Variants in DMXL1 observed in about 807,000 individuals in gnomAD.
The protein encoded by DMXL1 is Dmx like 1.
In DMXL1, 99 loss-of-function variants were observed where a neutral mutation model predicts 319.2. The observed-to-expected ratio is 0.31, with a 90% CI of 0.26 to 0.37. The LOEUF (loss-of-function observed/expected upper bound fraction) is 0.37, where lower values mean the gene tolerates loss of function less well. Among genes scored for constraint, DMXL1 ranks in the 10% least tolerant of loss-of-function variants. The pLI is 1.00. For synonymous variants in DMXL1, 1,385 were observed against 1,235.2 expected (o/e 1.12, Z -2.54); for missense variants, 3,745 against 3,595.6 (o/e 1.04, Z -1.06).
At chr5:119,131,675 G>A (rs1764928593) in intron 10 of DMXL1, among the ~76,000 whole-genome samples, 1 of 152,174 alleles carries the variant, frequency 6.6e-6, no homozygotes, top group African/African-American at 2.4e-5. Flanking sequence ...TAGAACATCT[G>A]CATTGAGAAG....
At chr5:119,104,832 A>G (rs1041971299) in intron 3 of DMXL1, among the ~76,000 whole-genome samples, 1 of 152,234 alleles carries the variant, frequency 6.6e-6, no homozygotes, top group Non-Finnish European at 1.5e-5. Context: ...CAAAACAGTA[A>G]AAGAGAAGGA....
At chr5:119,079,148 C>T (rs767437658) in intron 1 of DMXL1, among the ~76,000 whole-genome samples, 1 of 152,198 alleles carries the variant, frequency 6.6e-6, no homozygotes, top group Non-Finnish European at 1.5e-5. Context: ...GCTCATTTTT[C>T]CTTTCTTGTA....
intron 2 of DMXL1, among the ~76,000 whole-genome samples, chr5:119,099,338 A>G (rs1756720837): frequency 6.6e-6 from 1 of 151,868 alleles, no homozygotes; most frequent in Admixed American, 6.6e-5. Context: ...AGCCTCCCAA[A>G]TAGCTGGAAT....
chr5:119,072,103 A>G (rs1012245065), intron 1 of DMXL1, among the ~76,000 whole-genome samples: 16 of 152,166 alleles, frequency 1.1e-4, no homozygotes, highest in African/African-American at 2.2e-4. Context: ...ACAATTACCA[A>G]TTGTTTGCCA....
chr5:119,172,648 T>C (rs1282291637), intron 25 of DMXL1, among the ~76,000 whole-genome samples: 1 of 152,250 alleles, frequency 6.6e-6, no homozygotes, highest in Non-Finnish European at 1.5e-5. Context: ...CTGCTGTTAA[T>C]GTCATATTTT....
chr5:119,137,621 C>A (rs976763174), intron 13 of DMXL1, among the ~76,000 whole-genome samples: 20 of 152,150 alleles, frequency 1.3e-4, no homozygotes, highest in Non-Finnish European at 2.8e-4. Flanking sequence ...ATGCTGTTTG[C>A]ATTATAGTGA....
intron 40 of DMXL1, chr5:119,238,788 A>AAAAAGTTG (rs1788222632): frequency 1.5e-6 from 1 of 660,392 alleles, no homozygotes; most frequent in Non-Finnish European, 1.9e-6. Flanking sequence ...CCAAAATGTT[A>AAAAAGTTG]AAAAGTTGCT....
chr5:119,195,230 C>T (rs113185704), intron 30 of DMXL1, among the ~76,000 whole-genome samples: 7 of 152,318 alleles, frequency 4.6e-5, no homozygotes, highest in African/African-American at 1.7e-4. Context: ...TATGATCCAG[C>T]ATTTCCACTA....
At chr5:119,151,806 G>C (rs944337065) in intron 18 of DMXL1, 123 bp from the exon 19 acceptor site, 19 of 497,072 alleles carry the variant, frequency 3.8e-5, no homozygotes, top group African/African-American at 3.6e-4. Flanking sequence ...ATAAATGTTA[G>C]AAAATATTTT....
intron 1 of DMXL1, among the ~76,000 whole-genome samples, chr5:119,080,229 C>G (rs1251370166): frequency 6.6e-6 from 1 of 152,098 alleles, no homozygotes; most frequent in Non-Finnish European, 1.5e-5. Flanking sequence ...TGCCTATGAT[C>G]TCAGCTACTC....
At chr5:119,181,504 G>C (rs374324532) in intron 28 of DMXL1, among the ~76,000 whole-genome samples, 2 of 152,334 alleles carry the variant, frequency 1.3e-5, no homozygotes, top group Admixed American at 1.3e-4. Flanking sequence ...AGGCCTGCTG[G>C]TTTCAAAGCC....
rs146992677 is a variant in DMXL1 at position 119,140,525 on chromosome 5, C to G, written c.2377-3316C>G. Among the ~76,000 whole-genome samples the G allele has an allele frequency of 5.4e-3, 823 of 152,208 alleles. 10 individuals carry two copies. The highest frequency in any genetic ancestry group is 0.019 in the African/African-American group (780 of 41,530). On this transcript the variant is annotated intron_variant, in intron 13 of 43. Coordinates refer to ENST00000539542, the MANE Select transcript of DMXL1 (RefSeq NM_001290321.3). ...AAAACCTACAAGGGATGGATAAATT[C>G]CTGGACATATACCCCCTCCTAAGAC...
At chr5:119,114,598 T>C (rs1427442383) in intron 6 of DMXL1, 57 bp downstream of exon 6, 34 of 1,083,062 alleles carry the variant, frequency 3.1e-5, no homozygotes, top group Non-Finnish European at 4.5e-5. Context: ...TTTGAAACTT[T>C]AAAAACATCA....
intron 1 of DMXL1, among the ~76,000 whole-genome samples, chr5:119,084,993 A>G (rs1389145188): frequency 6.6e-6 from 1 of 151,880 alleles, no homozygotes; most frequent in African/African-American, 2.4e-5. Context: ...CTTTCATCAG[A>G]GTTTTATAGT....
intron 6 of DMXL1, among the ~76,000 whole-genome samples, chr5:119,115,164 C>CAT (rs1760561075): frequency 6.6e-6 from 1 of 152,172 alleles, no homozygotes. Flanking sequence ...ACACCTACCT[C>CAT]ATAGGTCATT....
chr5:119,106,483 A>C (rs1047947894), intron 4 of DMXL1, among the ~76,000 whole-genome samples: 1 of 152,194 alleles, frequency 6.6e-6, no homozygotes, highest in Non-Finnish European at 1.5e-5. Flanking sequence ...ATACATTATA[A>C]TAAGGATTAG....
rs1246711867 is a variant in DMXL1, at chr5:119,193,875, G to C, written c.7362G>C (p.Glu2454Asp). 6.8e-6 allele frequency: 11 copies of C among 1,613,002 alleles called. No individual in the cohort carries two copies. Among genetic ancestry groups the C allele is most frequent in the Non-Finnish European group, 9.3e-6 (11 of 1,179,572 alleles). ...SQSRAEYDSEESLGSDDDDND... is the reference protein window; with the variant it reads ...SQSRAEYDSEDSLGSDDDDND... ...GTAGAGCCGAATATGATTCAGAGGA[G>C]AGTCTGGGAAGTGATGATGATGACA... Residue 2454 changes from glutamate to aspartate, a missense_variant, in exon 30 of 44, where the codon GAG (glutamate) becomes GAC (aspartate). Physicochemically the swap from Glu to Asp is conservative, Grantham distance 45. Transcript: ENST00000539542.
chr5:119,087,809 A>AT lies in DMXL1; in HGVS notation c.88-10160dup, dbSNP rs547881745. 5.2e-3 allele frequency among the ~76,000 whole-genome samples: 767 copies of AT among 148,766 alleles called. 5 individuals are homozygous for AT. The highest frequency in any genetic ancestry group is 0.024 in the Middle Eastern group (7 of 290). Reference sequence around the variant, plus strand: ...TATTCATGTTTGCTTTATTTTTATTATTTTTTTTTTGAGACAGAGTCTCGT... The same window carrying AT: ...TATTCATGTTTGCTTTATTTTTATTATTTTTTTTTTTGAGACAGAGTCTCGT... On this transcript the variant is annotated intron_variant, in intron 1 of 43. Coordinates refer to ENST00000539542, the MANE Select transcript of DMXL1 (RefSeq NM_001290321.3).
chr5:119,218,565 T>C (rs1443683268), intron 35 of DMXL1, among the ~76,000 whole-genome samples: 7 of 152,160 alleles, frequency 4.6e-5, no homozygotes, highest in Non-Finnish European at 1.0e-4. Flanking sequence ...CAAGCGATTC[T>C]CCTGCCTCAG....
Sources: gnomAD v4.1 joint callset for allele counts (sites outside exome capture counted in the v4.1 genomes callset) on GRCh38, gnomAD v4.1.1 for gene constraint, MANE v1.5 for transcripts, NCBI Gene and HGNC (gene_info 2026-07-23, HGNC 2026-07-21) for gene names.